RNLS: variants seen among roughly 807,000 people sequenced by gnomAD.
RNLS encodes renalase, FAD dependent amine oxidase.
In RNLS, 39 loss-of-function variants were observed where a neutral mutation model predicts 39.8. That is an observed-to-expected ratio of 0.98 (90% CI 0.76 to 1.28). The LOEUF (loss-of-function observed/expected upper bound fraction) is 1.28. RNLS is among the 50% of genes most tolerant of loss of function. The probability of loss-of-function intolerance (pLI) is 0.00; values close to 1 mark genes in which losing one functional copy is unlikely to be tolerated. For missense variants in RNLS, 410 were observed against 413.3 expected (o/e 0.99, Z 0.07); for synonymous variants, 147 against 150.7 (o/e 0.98, Z 0.18).
chr10:88,231,373 C>T, the RNLS span, among the ~76,000 whole-genome samples: 1 of 152,224 alleles, frequency 6.6e-6, no homozygotes, highest in Admixed American at 6.5e-5. Context: ...AGAAGAAACA[C>T]CCTGCTGACA....
chr10:88,214,884 A>T, the RNLS span, among the ~76,000 whole-genome samples: 1 of 152,186 alleles, frequency 6.6e-6, no homozygotes, highest in African/African-American at 2.4e-5. Context: ...TTGACTTGAA[A>T]GTAAGCAAAA....
At chr10:88,427,118 T>C (rs535644185) in intron 4 of RNLS, among the ~76,000 whole-genome samples, 43 of 152,158 alleles carry the variant, frequency 2.8e-4, no homozygotes, top group African/African-American at 9.9e-4. Flanking sequence ...CGTGGTTAAA[T>C]AGAAAGAGGT....
chr10:88,299,552 G>A (rs1844354303), intron 6 of RNLS, among the ~76,000 whole-genome samples: 1 of 152,190 alleles, frequency 6.6e-6, no homozygotes, highest in Non-Finnish European at 1.5e-5. Flanking sequence ...TTGACCCCGT[G>A]AGGTGGAGGT....
At chr10:88,457,732 A>C (rs2133923133) in intron 4 of RNLS, among the ~76,000 whole-genome samples, 1 of 152,330 alleles carries the variant, frequency 6.6e-6, no homozygotes, top group East Asian at 1.9e-4. Flanking sequence ...AGGCTTTGTG[A>C]AATCCCTCTC....
chr10:88,481,771 C>T (rs1021947643), intron 4 of RNLS, among the ~76,000 whole-genome samples: 1 of 152,126 alleles, frequency 6.6e-6, no homozygotes, highest in African/African-American at 2.4e-5. Flanking sequence ...TACATATCTA[C>T]CATTTCCATT....
chr10:88,349,282 C>A (rs1004181132), intron 5 of RNLS, among the ~76,000 whole-genome samples: 1 of 152,054 alleles, frequency 6.6e-6, no homozygotes. Context: ...GATTTTCATA[C>A]TGAGTTAAGT....
At chr10:88,333,789 G>A (rs962803127) in intron 5 of RNLS, among the ~76,000 whole-genome samples, 9 of 152,114 alleles carry the variant, frequency 5.9e-5, no homozygotes, top group African/African-American at 1.9e-4. Flanking sequence ...TGGTCATGAG[G>A]GCTACGACTT....
intron 4 of RNLS, among the ~76,000 whole-genome samples, chr10:88,463,842 T>C (rs1467150346): frequency 6.6e-6 from 1 of 152,112 alleles, no homozygotes; most frequent in African/African-American, 2.4e-5. Flanking sequence ...TGTGTGTGTG[T>C]GTCTGTGTGT....
chr10:88,256,969 A>C, the RNLS span, among the ~76,000 whole-genome samples: 1 of 152,118 alleles, frequency 6.6e-6, no homozygotes, highest in Admixed American at 6.5e-5. Flanking sequence ...CAAGACTCAG[A>C]CTAAAATGGA....
chr10:88,477,248 C>T (rs1843870700), intron 4 of RNLS, among the ~76,000 whole-genome samples: 1 of 147,786 alleles, frequency 6.8e-6, no homozygotes, highest in African/African-American at 2.5e-5. Flanking sequence ...GTGCAAAGTG[C>T]TGATATTCAG....
chr10:88,203,264 G>GTA, the RNLS span, among the ~76,000 whole-genome samples: 1 of 5,086 alleles, frequency 2.0e-4, no homozygotes, highest in Non-Finnish European at 3.3e-4. Flanking sequence ...GTGTGTGTGT[G>GTA]TATGTATATA....
chr10:88,233,089 G>C, the RNLS span, among the ~76,000 whole-genome samples: 1 of 152,200 alleles, frequency 6.6e-6, no homozygotes, highest in Admixed American at 6.5e-5. Context: ...AATCAGGTCT[G>C]CCTGCGTCTA....
At chr10:88,246,566 G>A in the RNLS span, among the ~76,000 whole-genome samples, 2 of 150,794 alleles carry the variant, frequency 1.3e-5, no homozygotes, top group African/African-American at 2.4e-5. Flanking sequence ...TTTTTAATGC[G>A]TCCAGTGTGT....
intron 5 of RNLS, among the ~76,000 whole-genome samples, chr10:88,315,722 C>T (rs1845708881): frequency 6.9e-6 from 1 of 145,346 alleles, no homozygotes; most frequent in African/African-American, 2.5e-5. Context: ...GCCCGCTTAA[C>T]CTCTTTACAT....
intron 4 of RNLS, among the ~76,000 whole-genome samples, chr10:88,448,237 A>G (rs1219778047): frequency 4.6e-5 from 7 of 152,332 alleles, no homozygotes; most frequent in African/African-American, 1.2e-4. Flanking sequence ...CAGAATGGGA[A>G]AAAGTGTTTG....
intron 4 of RNLS, among the ~76,000 whole-genome samples, chr10:88,521,248 T>A (rs1846710432): frequency 6.6e-6 from 1 of 152,060 alleles, no homozygotes; most frequent in African/African-American, 2.4e-5. Context: ...CCACTACACC[T>A]GAGCTATGTT....
At chr10:88,502,670 G>A (rs1205785325) in intron 4 of RNLS, among the ~76,000 whole-genome samples, 1 of 152,052 alleles carries the variant, frequency 6.6e-6, no homozygotes, top group Non-Finnish European at 1.5e-5. Context: ...GCTGGTATTG[G>A]GCACTGGGAC....
rs186106555 is a variant in RNLS at position 88,356,958 on chromosome 10, C to G, written c.700+5594G>C. Among the ~76,000 whole-genome samples the G allele has an allele frequency of 3.9e-5, 6 of 152,306 alleles. No individual in the cohort carries two copies. The East Asian group carries it at 1.2e-3, about 29-fold the overall frequency. Reference sequence around the variant, plus strand: ...AAGGAAAGAATGCTAAATTTCTGATCATTTTCAGGGTTGCTTACTCATTTT... The same window carrying G: ...AAGGAAAGAATGCTAAATTTCTGATGATTTTCAGGGTTGCTTACTCATTTT... On this transcript the variant is annotated intron_variant, in intron 5 of 6. Coordinates refer to ENST00000331772, the MANE Select transcript of RNLS (RefSeq NM_001031709.3).
intron 3 of RNLS, among the ~76,000 whole-genome samples, chr10:88,574,583 C>A (rs1386319259): frequency 6.6e-6 from 1 of 152,190 alleles, no homozygotes; most frequent in African/African-American, 2.4e-5. Flanking sequence ...ACACTTTCAT[C>A]TCTTTCATTG....
Sources: gnomAD v4.1 joint callset for allele counts (sites outside exome capture counted in the v4.1 genomes callset) on GRCh38, gnomAD v4.1.1 for gene constraint, MANE v1.5 for transcripts, NCBI Gene and HGNC (gene_info 2026-07-23, HGNC 2026-07-21) for gene names.